Variants in ATP6V0A4 observed in about 807,000 individuals in gnomAD.
The protein encoded by ATP6V0A4 is V-type proton ATPase 116 kDa subunit a 4.
Under a neutral mutation model 107.3 loss-of-function variants are expected in ATP6V0A4, and 86 were observed. The ratio of observed to expected loss-of-function variants is 0.80; its 90% CI spans 0.67 to 0.96. The LOEUF (loss-of-function observed/expected upper bound fraction) is 0.96, where lower values mean the gene tolerates loss of function less well. ATP6V0A4 is among the 40% of genes least tolerant of loss of function. The probability of loss-of-function intolerance (pLI) is 0.00; values close to 1 mark genes in which losing one functional copy is unlikely to be tolerated. For missense variants in ATP6V0A4, 908 were observed against 1,045.6 expected (o/e 0.87, Z 1.81); for synonymous variants, 353 against 381.4 (o/e 0.93, Z 0.87).
Position 138,771,138 on chromosome 7 carries a change from A to G in ATP6V0A4, c.110T>C (p.Phe37Ser). Residue 37 changes from phenylalanine (F) to serine (S), a missense_variant, in exon 3 of 22, where the codon TTC (phenylalanine) becomes TCC (serine). Physicochemically the swap from Phe to Ser is radical, Grantham distance 155. Coordinates refer to ENST00000310018, the MANE Select transcript of ATP6V0A4 (RefSeq NM_020632.3). ...AAAGAACTCAGTACCTACATCTTTG[A>G]ACTGAACCAATCCGAGCTCTCCGAG... Reference protein sequence around the residue: ...AELGELGLVQFKDLNMNVNSF... With the variant: ...AELGELGLVQSKDLNMNVNSF... The G allele has an allele frequency of 6.2e-7, 1 of 1,614,028 alleles. No homozygotes were observed. Among genetic ancestry groups the G allele is most frequent in the Non-Finnish European group, 8.5e-7 (1 of 1,179,946 alleles).
intron 1 of ATP6V0A4, among the ~76,000 whole-genome samples, chr7:138,795,288 C>T (rs923500395): frequency 2.2e-4 from 33 of 152,202 alleles, no homozygotes; most frequent in South Asian, 6.2e-4. Context: ...TAAAACAGTC[C>T]GACATCACAT....
chr7:138,752,860 GA>G, intron 10 of ATP6V0A4, 23 bp from the exon 11 acceptor site: 1 of 1,612,160 alleles, frequency 6.2e-7, no homozygotes, highest in Non-Finnish European at 8.5e-7. Flanking sequence ...CAACACACAG[GA>G]AAACAGAGAA....
intron 10 of ATP6V0A4, 149 bp from the exon 11 acceptor site, chr7:138,752,986 C>G (rs1806311961): frequency 2.1e-6 from 3 of 1,443,578 alleles, no homozygotes; most frequent in South Asian, 1.3e-5. Context: ...TTGAACTCTC[C>G]TGAGCAGTTT....
chr7:138,755,837 G>T (rs993355422), intron 9 of ATP6V0A4, 55 bp from the exon 10 acceptor site: 34 of 1,597,474 alleles, frequency 2.1e-5, no homozygotes, highest in Non-Finnish European at 2.8e-5. Context: ...AAAGCATTCT[G>T]CATCCCCTTT....
In ATP6V0A4 at chr7:138,762,638, A is replaced by G. The variant is rs963640798; in HGVS notation, c.418-204T>C. 17 of 574,776 alleles carry G rather than the reference A, an allele frequency of 3.0e-5. No individual in the cohort carries two copies. The African/African-American group carries it at 3.1e-4, about 10-fold the overall frequency. 35.6% of individuals were successfully genotyped at this position (574,776 alleles called of 1,614,324 possible). A position where few individuals can be genotyped will look rare whatever the true frequency, so the allele number is the denominator to read the frequency against. ...CAAAACCCTAAAACTTCTCAAACCA[A>G]CTGCTGTGCTTGGTTCTGACTTCTC... On this transcript the variant is annotated intron_variant, in intron 6 of 21. Coordinates refer to ENST00000310018, the MANE Select transcript of ATP6V0A4 (RefSeq NM_020632.3).
intron 1 of ATP6V0A4, among the ~76,000 whole-genome samples, chr7:138,791,799 G>C (rs531907427): frequency 1.3e-5 from 2 of 152,130 alleles, no homozygotes; most frequent in Non-Finnish European, 2.9e-5. Context: ...ACTCCACTGA[G>C]GGAATACTAA....
intron 1 of ATP6V0A4, among the ~76,000 whole-genome samples, chr7:138,793,915 C>A (rs1219754736): frequency 6.6e-6 from 1 of 151,962 alleles, no homozygotes; most frequent in African/African-American, 2.4e-5. Context: ...GGGAAGTGTT[C>A]AAAAATTATT....
chr7:138,796,860 T>A (rs1808691808), intron 1 of ATP6V0A4, among the ~76,000 whole-genome samples: 1 of 150,412 alleles, frequency 6.6e-6, no homozygotes, highest in African/African-American at 2.4e-5. Context: ...GGATGAGACC[T>A]TTTATATACA....
intron 14 of ATP6V0A4, among the ~76,000 whole-genome samples, chr7:138,740,343 A>AG (rs1485667880): frequency 1.3e-5 from 2 of 152,012 alleles, no homozygotes; most frequent in African/African-American, 4.8e-5. Context: ...ACTTAACTCT[A>AG]AAAACATGTA....
intron 18 of ATP6V0A4, among the ~76,000 whole-genome samples, chr7:138,724,025 CAAA>C (rs202234657): frequency 0.058 from 7,607 of 131,730 alleles, 534 homozygotes; most frequent in African/African-American, 0.18. Flanking sequence ...TCCCATCTCT[CAAA>C]AAAAAAAAAA....
chr7:138,718,103 G>GGGAGTA (rs751995768), intron 19 of ATP6V0A4, among the ~76,000 whole-genome samples: 24 of 70,884 alleles, frequency 3.4e-4, no homozygotes, highest in South Asian at 7.4e-4. Flanking sequence ...AATGGGGGGC[G>GGGAGTA]GGGGTGCAGT....
At chr7:138,796,141 C>T (rs538772412) in intron 1 of ATP6V0A4, among the ~76,000 whole-genome samples, 12 of 152,278 alleles carry the variant, frequency 7.9e-5, no homozygotes, top group African/African-American at 2.6e-4. Flanking sequence ...ATTTGTTCTA[C>T]TAAGCAGCGT....
At position 138,706,412 on chromosome 7, in the gene ATP6V0A4, C is replaced by T; in HGVS notation, c.*212G>A. 1.7e-6 allele frequency: 1 copy of T among 587,844 alleles called. No homozygotes were observed. The highest frequency in any genetic ancestry group is 3.0e-6 in the Non-Finnish European group (1 of 328,090). The allele number at this position is 587,844 out of a possible 1,614,324, so 36.4% of individuals were successfully genotyped here. ...TTATTATTTGAGAATTAATACCCCACATGAAGACAATATCACTTGCCAAAG... is the reference window on the plus strand; with the variant it reads ...TTATTATTTGAGAATTAATACCCCATATGAAGACAATATCACTTGCCAAAG... On this transcript the variant is annotated 3_prime_UTR_variant, in exon 22 of 22. Coordinates refer to ENST00000310018, the MANE Select transcript of ATP6V0A4 (RefSeq NM_020632.3).
intron 11 of ATP6V0A4, 31 bp downstream of exon 11, chr7:138,752,594 C>T (rs1367126517): frequency 6.8e-6 from 11 of 1,610,798 alleles, no homozygotes; most frequent in Middle Eastern, 4.2e-4. Flanking sequence ...GCTGACTCAT[C>T]GGACCCCTCC....
chr7:138,796,328 GC>G (rs902831415), intron 1 of ATP6V0A4, among the ~76,000 whole-genome samples: 5 of 151,924 alleles, frequency 3.3e-5, no homozygotes, highest in African/African-American at 1.2e-4. Flanking sequence ...GGGCACGTTG[GC>G]CCTATCCCCA....
chr7:138,722,448 T>C (rs1463662983), intron 18 of ATP6V0A4, among the ~76,000 whole-genome samples: 1 of 151,618 alleles, frequency 6.6e-6, no homozygotes, highest in African/African-American at 2.4e-5. Context: ...GCAGATCACT[T>C]GAGGTCAGGA....
intron 20 of ATP6V0A4, 78 bp downstream of exon 20, chr7:138,715,686 T>C: frequency 4.5e-6 from 7 of 1,552,570 alleles, no homozygotes; most frequent in Non-Finnish European, 6.2e-6. Flanking sequence ...GAAGTCACCT[T>C]TACTTCCAAA....
chr7:138,794,492 A>G (rs1012340750), intron 1 of ATP6V0A4, among the ~76,000 whole-genome samples: 3 of 152,102 alleles, frequency 2.0e-5, no homozygotes, highest in South Asian at 2.1e-4. Flanking sequence ...TCTTTTTCAC[A>G]TGAAATCTTA....
chr7:138,739,099 T>G (rs1478799327), intron 15 of ATP6V0A4, among the ~76,000 whole-genome samples: 1 of 152,204 alleles, frequency 6.6e-6, no homozygotes, highest in African/African-American at 2.4e-5. Flanking sequence ...TTAAAAAGCG[T>G]CAATTCTATG....
Sources: gnomAD v4.1 joint callset for allele counts (sites outside exome capture counted in the v4.1 genomes callset) on GRCh38, gnomAD v4.1.1 for gene constraint, MANE v1.5 for transcripts, NCBI Gene and HGNC (gene_info 2026-07-23, HGNC 2026-07-21) for gene names.